CCDC178: variants seen among roughly 807,000 people sequenced by gnomAD.
CCDC178 encodes the protein coiled-coil domain containing 178, also known as coiled-coil domain-containing protein 178.
CCDC178 carries 126 observed loss-of-function variants against 117.4 expected under a neutral mutation model. The observed-to-expected ratio is 1.07, with a 90% CI of 0.93 to 1.24. The LOEUF is 1.24. Ranked by LOEUF, CCDC178 falls within the 50% of genes most tolerant of loss-of-function variation. The pLI, the probability that CCDC178 is intolerant of heterozygous loss-of-function variation, is 0.00. For missense variants in CCDC178, 1,030 were observed against 986.9 expected (o/e 1.04, Z -0.59); for synonymous variants, 283 against 313.4 (o/e 0.90, Z 1.02).
chr18:33,225,810 A>G (rs1032636015), intron 16 of CCDC178, among the ~76,000 whole-genome samples: 5 of 152,228 alleles, frequency 3.3e-5, no homozygotes, highest in African/African-American at 1.2e-4. Flanking sequence ...CATAACAGAA[A>G]AAAATTACAA....
intron 20 of CCDC178, among the ~76,000 whole-genome samples, chr18:33,094,236 C>T (rs563833972): frequency 6.6e-6 from 1 of 152,092 alleles, no homozygotes; most frequent in South Asian, 2.1e-4. Flanking sequence ...AATTCTGTCA[C>T]AATAATTTAA....
At chr18:33,050,532 G>A (rs572363562) in intron 21 of CCDC178, among the ~76,000 whole-genome samples, 2 of 152,294 alleles carry the variant, frequency 1.3e-5, no homozygotes, top group South Asian at 4.1e-4. Context: ...GAATTAAGTA[G>A]AAAAGTAGAG....
At chr18:33,183,540 A>G (rs2058755339) in intron 20 of CCDC178, among the ~76,000 whole-genome samples, 1 of 152,010 alleles carries the variant, frequency 6.6e-6, no homozygotes, top group South Asian at 2.1e-4. Context: ...GCTAAAAATT[A>G]TTTTTAAATT....
intron 21 of CCDC178, among the ~76,000 whole-genome samples, chr18:33,024,599 A>G (rs1165234092): frequency 6.6e-6 from 1 of 152,132 alleles, no homozygotes; most frequent in African/African-American, 2.4e-5. Context: ...GACACACTTT[A>G]TAACATATTT....
intron 20 of CCDC178, among the ~76,000 whole-genome samples, chr18:33,154,170 G>C (rs1598938690): frequency 6.6e-6 from 1 of 152,114 alleles, no homozygotes; most frequent in African/African-American, 2.4e-5. Context: ...AGGCACTGGA[G>C]AGTGACCAAA....
At chr18:33,226,697 A>T in intron 16 of CCDC178, 96 bp downstream of exon 16, 1 of 743,818 alleles carries the variant, frequency 1.3e-6, no homozygotes, top group East Asian at 2.9e-5. Flanking sequence ...TTGCAAACCA[A>T]GTAGTGACAA....
intron 11 of CCDC178, among the ~76,000 whole-genome samples, chr18:33,306,606 TTA>T (rs968425134): frequency 3.4e-5 from 5 of 146,872 alleles, no homozygotes; most frequent in African/African-American, 9.9e-5. Flanking sequence ...ATATGGTTTT[TTA>T]TATATATATG....
chr18:32,963,573 C>A (rs183016781), intron 22 of CCDC178, among the ~76,000 whole-genome samples: 8 of 151,958 alleles, frequency 5.3e-5, no homozygotes, highest in Non-Finnish European at 1.2e-4. Context: ...TTTCCCTGTA[C>A]ACAATACTGT....
intron 2 of CCDC178, among the ~76,000 whole-genome samples, chr18:33,422,202 C>T (rs1473699431): frequency 6.6e-6 from 1 of 152,152 alleles, no homozygotes; most frequent in Non-Finnish European, 1.5e-5. Context: ...AATTGTTTCT[C>T]TTGGCATGCA....
intron 21 of CCDC178, among the ~76,000 whole-genome samples, chr18:33,033,052 C>T (rs1027338624): frequency 3.9e-5 from 6 of 152,098 alleles, no homozygotes; most frequent in African/African-American, 1.4e-4. Flanking sequence ...GTGAGACTCA[C>T]TTTAAATGTT....
intron 20 of CCDC178, among the ~76,000 whole-genome samples, chr18:33,122,007 G>C (rs941295678): frequency 2.0e-5 from 3 of 152,062 alleles, no homozygotes; most frequent in African/African-American, 7.2e-5. Context: ...CATACACTAG[G>C]TGTGTACTAG....
At chr18:33,366,736 C>G (rs2063213174) in intron 6 of CCDC178, among the ~76,000 whole-genome samples, 1 of 151,960 alleles carries the variant, frequency 6.6e-6, no homozygotes, top group South Asian at 2.1e-4. Context: ...CATCACCAAG[C>G]ATTGTTCCTC....
intron 20 of CCDC178, among the ~76,000 whole-genome samples, chr18:33,172,539 T>A (rs1014026871): frequency 1.3e-5 from 2 of 152,098 alleles, no homozygotes; most frequent in African/African-American, 4.8e-5. Flanking sequence ...TCAAATACAT[T>A]AGGCATGCTA....
At chr18:33,372,872 T>G (rs2063318247) in intron 5 of CCDC178, among the ~76,000 whole-genome samples, 1 of 152,202 alleles carries the variant, frequency 6.6e-6, no homozygotes, top group Non-Finnish European at 1.5e-5. Context: ...GCTTTGTATA[T>G]GCACTTCCTT....
At chr18:33,061,300 C>T (rs1410260316) in intron 21 of CCDC178, among the ~76,000 whole-genome samples, 1 of 151,944 alleles carries the variant, frequency 6.6e-6, no homozygotes, top group South Asian at 2.1e-4. Flanking sequence ...GTATATTCAA[C>T]TCATTTTGTA....
At chr18:33,056,422 T>A (rs1344684896) in intron 21 of CCDC178, among the ~76,000 whole-genome samples, 1 of 152,252 alleles carries the variant, frequency 6.6e-6, no homozygotes, top group Non-Finnish European at 1.5e-5. Context: ...ATTATCTGTA[T>A]GGTTACCAAT....
intron 21 of CCDC178, among the ~76,000 whole-genome samples, chr18:32,978,807 C>T (rs553824279): frequency 3.3e-4 from 50 of 152,180 alleles, no homozygotes; most frequent in African/African-American, 1.2e-3. Context: ...GAGGTCCAGG[C>T]GGGTGGATCA....
At chr18:33,342,087 G>T (rs904492277) in intron 9 of CCDC178, among the ~76,000 whole-genome samples, 1 of 152,126 alleles carries the variant, frequency 6.6e-6, no homozygotes, top group Non-Finnish European at 1.5e-5. Flanking sequence ...TCTAGTAGAG[G>T]CAAAAAGTAA....
At position 33,096,236 on chromosome 18, in the gene CCDC178, C is replaced by T. The variant is rs555200894; in HGVS notation, c.2239-3326G>A. On this transcript the variant is annotated intron_variant, in intron 20 of 22. Transcript: ENST00000383096. Reference sequence around the variant, plus strand: ...TCATCTCTCACTGGGTAAATGGGGACTAGGGACTTCCAATCAGAAAACTGG... The same window carrying T: ...TCATCTCTCACTGGGTAAATGGGGATTAGGGACTTCCAATCAGAAAACTGG... Among the ~76,000 whole-genome samples the T allele has an allele frequency of 5.8e-4, 86 of 148,212 alleles. 1 individual carries two copies. The highest frequency in any genetic ancestry group is 2.1e-3 in the African/African-American group (83 of 40,248).
Sources: gnomAD v4.1 joint callset for allele counts (sites outside exome capture counted in the v4.1 genomes callset) on GRCh38, gnomAD v4.1.1 for gene constraint, MANE v1.5 for transcripts, NCBI Gene and HGNC (gene_info 2026-07-23, HGNC 2026-07-21) for gene names.